The following RBFOX3 variants were observed in gnomAD, a reference collection of about 807,000 sequenced individuals.
RBFOX3 encodes the protein RNA binding fox-1 homolog 3.
In RBFOX3, 17 loss-of-function variants were observed where a neutral mutation model predicts 48.7. The observed-to-expected ratio is 0.35, with a 90% confidence interval of 0.24 to 0.52. RBFOX3 has a LOEUF of 0.52. Ranked by LOEUF, RBFOX3 falls within the 20% of genes least tolerant of loss-of-function variation. The probability of loss-of-function intolerance (pLI) is 0.94; values close to 1 mark genes in which losing one functional copy is unlikely to be tolerated. For missense variants in RBFOX3, 382 were observed against 497.5 expected, an observed-to-expected ratio of 0.77 and a Z score of 2.21; for synonymous variants, 212 against 209.5, an observed-to-expected ratio of 1.01 and a Z score of -0.10.
chr17:79,093,923 CGCCAGGAGCCCCCAGGAA>C (rs1232173929), intron 14 of RBFOX3, among the ~76,000 whole-genome samples: 8 of 152,226 alleles, frequency 5.3e-5, no homozygotes, highest in Middle Eastern at 3.4e-3. Flanking sequence ...TTCCCCAGGA[CGCCAGGAGCCCCCAGGAA>C]GCCAGGAGCT....
At chr17:79,147,118 G>A (rs1031694955) in intron 4 of RBFOX3, among the ~76,000 whole-genome samples, 2 of 152,224 alleles carry the variant, frequency 1.3e-5, no homozygotes, top group African/African-American at 4.8e-5. Context: ...CTGGACACCA[G>A]AGCCAGGACC....
At chr17:79,290,734 T>C (rs2073090293) in intron 3 of RBFOX3, among the ~76,000 whole-genome samples, 1 of 152,174 alleles carries the variant, frequency 6.6e-6, no homozygotes, top group Admixed American at 6.5e-5. Flanking sequence ...CGGACAGGCA[T>C]AGTTACATAC....
At chr17:79,370,513 C>T (rs895235478) in intron 2 of RBFOX3, among the ~76,000 whole-genome samples, 70 of 152,060 alleles carry the variant, frequency 4.6e-4, no homozygotes, top group African/African-American at 1.5e-3. Flanking sequence ...CACACGTACA[C>T]GTCTCTGGTA....
chr17:79,475,517 C>T (rs1263726783), intron 2 of RBFOX3, among the ~76,000 whole-genome samples: 1 of 152,136 alleles, frequency 6.6e-6, no homozygotes, highest in East Asian at 1.9e-4. Flanking sequence ...AAAACATGTT[C>T]CAGCCCTAAC....
intron 4 of RBFOX3, among the ~76,000 whole-genome samples, chr17:79,149,094 A>G (rs1343599256): frequency 6.6e-6 from 1 of 152,188 alleles, no homozygotes; most frequent in African/African-American, 2.4e-5. Flanking sequence ...TAAGAAGCAC[A>G]AGGAGATCCT....
chr17:79,176,251 A>C (rs1021665024), intron 4 of RBFOX3, among the ~76,000 whole-genome samples: 19 of 152,216 alleles, frequency 1.2e-4, no homozygotes, highest in Non-Finnish European at 1.5e-5. Flanking sequence ...CCTGCCCCAC[A>C]GAGGTCTGGG....
At chr17:79,290,529 G>A (rs1040920172) in intron 3 of RBFOX3, among the ~76,000 whole-genome samples, 3 of 152,000 alleles carry the variant, frequency 2.0e-5, no homozygotes, top group African/African-American at 7.2e-5. Context: ...TTCAACACAT[G>A]CCTGCCGTTG....
At chr17:79,225,929 TG>T (rs1288775117) in intron 4 of RBFOX3, among the ~76,000 whole-genome samples, 1 of 119,088 alleles carries the variant, frequency 8.4e-6, no homozygotes, top group African/African-American at 3.3e-5. Flanking sequence ...GCGACAGTGG[TG>T]GGGGAAGCAG....
In RBFOX3 at chr17:79,249,692, C is replaced by T. The variant is rs556294993; in HGVS notation, c.-73-13887G>A. 2.8e-5 allele frequency among the ~76,000 whole-genome samples: 4 copies of T among 144,062 alleles called. No homozygotes were observed. Among genetic ancestry groups the T allele is most frequent in the Admixed American group, 7.1e-5 (1 of 14,078 alleles). The allele number at this position is 144,062 out of a possible 152,430, so 94.5% of individuals were successfully genotyped here. On this transcript the variant is annotated intron_variant, in intron 3 of 14. Transcript: ENST00000693108. The surrounding 1 kb of genome is among the most constrained non-coding windows in gnomAD (Gnocchi z 4.1). ...CCAAAACCACTTCCCCTGCCTCGCC[C>T]GTTCCTTCCTAGGGAAACCACAGTC... is the stretch of plus-strand genomic sequence containing the variant.
At chr17:79,140,479 C>T (rs2041701841) in intron 4 of RBFOX3, among the ~76,000 whole-genome samples, 2 of 152,262 alleles carry the variant, frequency 1.3e-5, no homozygotes, top group Admixed American at 1.3e-4. Flanking sequence ...GTGCCAAGCA[C>T]CTGCTGCAGG....
chr17:79,592,142 G>A (rs1488481808), intron 1 of RBFOX3, among the ~76,000 whole-genome samples: 7 of 150,710 alleles, frequency 4.6e-5, no homozygotes, highest in Admixed American at 6.6e-5. Flanking sequence ...ATTGTCGTGT[G>A]TGCATGCATG....
rs967905619 is a variant in RBFOX3 at position 79,361,561 on chromosome 17, G to A, written c.-174-53737C>T. On this transcript the variant is annotated intron_variant, in intron 2 of 14. Coordinates refer to ENST00000693108, the MANE Select transcript of RBFOX3 (RefSeq NM_001350451.2). The surrounding 1 kb of genome is among the most constrained non-coding windows in gnomAD (Gnocchi z 4.5). Reference sequence around the variant, plus strand: ...CAGCTGGAGAGGGCCCAGCTGATCAGCAGCTCTGCCAGGCACTGTCCAGGG... The same window carrying A: ...CAGCTGGAGAGGGCCCAGCTGATCAACAGCTCTGCCAGGCACTGTCCAGGG... 1.3e-5 allele frequency among the ~76,000 whole-genome samples: 2 copies of A among 152,226 alleles called. No individual in the cohort carries two copies. The highest frequency in any genetic ancestry group is 2.9e-5 in the Non-Finnish European group (2 of 68,036).
At chr17:79,655,366 C>T in the RBFOX3 span, among the ~76,000 whole-genome samples, 3 of 152,152 alleles carry the variant, frequency 2.0e-5, no homozygotes, top group African/African-American at 7.2e-5. Flanking sequence ...CGTTCCCACC[C>T]CCCAGAGCCA....
intron 4 of RBFOX3, among the ~76,000 whole-genome samples, chr17:79,121,154 C>G (rs1046775615): frequency 6.6e-6 from 1 of 152,136 alleles, no homozygotes; most frequent in African/African-American, 2.4e-5. Context: ...GTCACCTACA[C>G]CAGGCCCTCC....
chr17:79,298,635 G>A (rs186298071), intron 3 of RBFOX3, among the ~76,000 whole-genome samples: 7 of 152,254 alleles, frequency 4.6e-5, no homozygotes, highest in Admixed American at 3.3e-4. Context: ...AGAACCTGCC[G>A]AGGAAGCCAT....
chr17:79,485,096 C>T (rs2079363430), intron 1 of RBFOX3, among the ~76,000 whole-genome samples: 1 of 152,130 alleles, frequency 6.6e-6, no homozygotes, highest in Admixed American at 6.5e-5. Context: ...TCCCACCAGC[C>T]CCAAAGCAGA....
chr17:79,251,370 C>A (rs1433371245), intron 3 of RBFOX3, among the ~76,000 whole-genome samples: 1 of 152,184 alleles, frequency 6.6e-6, no homozygotes, highest in Non-Finnish European at 1.5e-5. Flanking sequence ...CGCTGCCCCT[C>A]CCAGTATAGT....
At chr17:79,637,957 A>T in the RBFOX3 span, among the ~76,000 whole-genome samples, 1 of 152,200 alleles carries the variant, frequency 6.6e-6, no homozygotes, top group Non-Finnish European at 1.5e-5. Context: ...AAAATTCACA[A>T]ATATGTGGAA....
At chr17:79,156,196 G>A (rs926066959) in intron 4 of RBFOX3, among the ~76,000 whole-genome samples, 4 of 152,208 alleles carry the variant, frequency 2.6e-5, no homozygotes, top group African/African-American at 9.7e-5. Context: ...TGGATGCAGA[G>A]AGATCTGGCA....
Sources: allele counts gnomAD v4.1 joint callset (sites outside exome capture counted in the v4.1 genomes callset), GRCh38; gene constraint gnomAD v4.1.1; non-coding constraint Gnocchi (gnomAD v3.1); transcripts MANE v1.5; gene names NCBI Gene and HGNC (gene_info 2026-07-23, HGNC 2026-07-21).